The following CHD2 variants were observed in gnomAD, a reference collection of about 807,000 sequenced individuals.
CHD2 encodes ATP-dependent chromatin remodeler CHD2.
In CHD2, 28 loss-of-function variants were observed where a neutral mutation model predicts 243.9. That is an observed-to-expected ratio of 0.11 (90% CI 0.09 to 0.16). The LOEUF (loss-of-function observed/expected upper bound fraction) is 0.16. Among genes scored for constraint, CHD2 ranks in the 10% least tolerant of loss-of-function variants. The pLI is 1.00. For missense variants in CHD2, 1,386 were observed against 2,209.8 expected (o/e 0.63, Z 7.47); for synonymous variants, 775 against 779.0 (o/e 0.99, Z 0.09).
At chr15:92,986,303 CT>C (rs987714240) in intron 26 of CHD2, among the ~76,000 whole-genome samples, 12 of 148,450 alleles carry the variant, frequency 8.1e-5, no homozygotes, top group African/African-American at 9.9e-5. Flanking sequence ...CAGTTTCCAT[CT>C]TTTTTTTTTA....
intron 26 of CHD2, among the ~76,000 whole-genome samples, chr15:92,988,690 G>T (rs943801516): frequency 2.0e-5 from 3 of 151,624 alleles, no homozygotes; most frequent in Admixed American, 6.6e-5. Flanking sequence ...ATCTCAATTG[G>T]CCTATCTTCA....
At chr15:92,928,350 G>T (rs1323936545) in intron 4 of CHD2, among the ~76,000 whole-genome samples, 1 of 152,176 alleles carries the variant, frequency 6.6e-6, no homozygotes, top group Non-Finnish European at 1.5e-5. Context: ...CACATTCTCT[G>T]TAGGGTACAA....
At chr15:92,979,381 AT>A (rs1385428531) in intron 22 of CHD2, 98 bp downstream of exon 22, 1 of 1,392,918 alleles carries the variant, frequency 7.2e-7, no homozygotes, top group Non-Finnish European at 9.7e-7. Context: ...TAGTCTGTTC[AT>A]TACCTGGAAG....
chr15:92,996,396 G>A (rs373982734), intron 28 of CHD2, among the ~76,000 whole-genome samples: 4 of 151,984 alleles, frequency 2.6e-5, no homozygotes, highest in East Asian at 1.9e-4. Flanking sequence ...TCCTGACCTC[G>A]TGATCTGCCT....
chr15:92,960,552 A>G (rs2053671314), intron 16 of CHD2, among the ~76,000 whole-genome samples: 1 of 152,260 alleles, frequency 6.6e-6, no homozygotes, highest in Middle Eastern at 3.4e-3. Flanking sequence ...GTCCTTTAAC[A>G]ATATAGTATA....
intron 16 of CHD2, among the ~76,000 whole-genome samples, chr15:92,957,731 G>C (rs2053634355): frequency 6.7e-6 from 1 of 149,236 alleles, no homozygotes; most frequent in African/African-American, 2.5e-5. Flanking sequence ...AATTTGTTTA[G>C]TAACTTTATA....
rs1202704611 is a variant in CHD2, at chr15:93,002,444, G to A, written c.4278+127G>A. The A allele has an allele frequency of 2.8e-6, 4 of 1,420,568 alleles. No individual in the cohort carries two copies. The East Asian group carries it at 1.0e-4, about 37-fold the overall frequency. 88.0% of individuals were successfully genotyped at this position (1,420,568 alleles called of 1,614,324 possible). ...TTTTATGGGTATGTTCAAGAAGGAT[G>A]GGTGGGGCCGTTGATGGGATACCTG... On this transcript the variant is annotated intron_variant, in intron 33 of 38. Coordinates refer to ENST00000394196, the MANE Select transcript of CHD2 (RefSeq NM_001271.4).
intron 9 of CHD2, 50 bp downstream of exon 9, chr15:92,943,118 G>A (rs944269054): frequency 6.8e-7 from 1 of 1,460,248 alleles, no homozygotes; most frequent in Admixed American, 1.8e-5. Flanking sequence ...CCTGAAAGAA[G>A]GGAAGGTTTT....
At chr15:92,956,772 T>G in intron 16 of CHD2, 123 bp downstream of exon 16, 1 of 853,612 alleles carries the variant, frequency 1.2e-6, no homozygotes, top group Admixed American at 2.9e-5. Context: ...AAGCGTCAAA[T>G]GGAGGCAGGG....
intron 2 of CHD2, among the ~76,000 whole-genome samples, chr15:92,905,899 C>T (rs553328657): frequency 9.7e-4 from 147 of 152,306 alleles, no homozygotes; most frequent in African/African-American, 3.4e-3. Context: ...ATAATCTCAC[C>T]TCCCTTTTTG....
intron 18 of CHD2, 127 bp downstream of exon 18, chr15:92,972,054 G>T: frequency 3.6e-6 from 4 of 1,102,894 alleles, no homozygotes; most frequent in Non-Finnish European, 5.1e-6. Flanking sequence ...TTAAAAATGG[G>T]AGAGAAAAGG....
rs55738843 is a variant in CHD2, at chr15:92,999,083, CAAAAAAAAAAAAAAA to C, written c.4008+482_4008+496del. Among the ~76,000 whole-genome samples, 11 of 65,530 alleles carry C rather than the reference CAAAAAAAAAAAAAAA, an allele frequency of 1.7e-4. 1 individual carries two copies. The highest frequency in any genetic ancestry group is 9.1e-4 in the East Asian group (2 of 2,192). The allele number at this position is 65,530 out of a possible 152,430, so 43.0% of individuals were successfully genotyped here. On this transcript the variant is annotated intron_variant, in intron 31 of 38. Coordinates refer to ENST00000394196, the MANE Select transcript of CHD2 (RefSeq NM_001271.4). Reference sequence around the variant, plus strand: ...TGGGCAACAGAGCGAGACTCCGTCTCAAAAAAAAAAAAAAAAAAAAAAAAAAAAAAAAAATTCATT... The same window carrying C: ...TGGGCAACAGAGCGAGACTCCGTCTCAAAAAAAAAAAAAAAAAAATTCATT...
chr15:92,918,869 A>G (rs148603811), intron 2 of CHD2, among the ~76,000 whole-genome samples: 2 of 151,266 alleles, frequency 1.3e-5, no homozygotes, highest in African/African-American at 4.9e-5. Context: ...ATATATATAT[A>G]TTTTTTGAGA....
At chr15:92,952,234 T>C (rs1210114432) in intron 13 of CHD2, among the ~76,000 whole-genome samples, 1 of 152,194 alleles carries the variant, frequency 6.6e-6, no homozygotes, top group Non-Finnish European at 1.5e-5. Context: ...TGTAGAGTAG[T>C]GTTTCTCAAA....
In CHD2 at chr15:93,025,125, C is replaced by T; in HGVS notation, c.*420C>T. On this transcript the variant is annotated 3_prime_UTR_variant, in exon 39 of 39. Coordinates refer to ENST00000394196, the MANE Select transcript of CHD2 (RefSeq NM_001271.4). ...AACTGGTGCATGGAGGCTGCTGGGA[C>T]CTGGTGAACAGTGTGTGATTTGGTT... The T allele has an allele frequency of 5.6e-6, 1 of 178,744 alleles. No homozygotes were observed. Among genetic ancestry groups the T allele is most frequent in the South Asian group, 1.3e-4 (1 of 7,410 alleles). 11.1% of individuals were successfully genotyped at this position (178,744 alleles called of 1,614,324 possible).
chr15:93,006,104 C>G (rs1409481663), intron 34 of CHD2, among the ~76,000 whole-genome samples: 2 of 148,636 alleles, frequency 1.3e-5, no homozygotes, highest in African/African-American at 5.0e-5. Context: ...TCAACCTATG[C>G]TTTTTCTGTC....
At chr15:92,941,792 C>T in intron 7 of CHD2, 30 bp from the exon 8 acceptor site, 1 of 1,606,750 alleles carries the variant, frequency 6.2e-7, no homozygotes, top group East Asian at 2.2e-5. Context: ...GAGATCATTT[C>T]TCATTTATTC....
intron 12 of CHD2, among the ~76,000 whole-genome samples, chr15:92,948,126 C>G (rs1482176910): frequency 6.6e-6 from 1 of 152,184 alleles, no homozygotes; most frequent in Non-Finnish European, 1.5e-5. Context: ...CACTAGAATG[C>G]TATCCTTTAA....
intron 2 of CHD2, chr15:92,901,569 G>T: frequency 2.2e-6 from 1 of 457,114 alleles, no homozygotes. Context: ...TTACTGTAAT[G>T]TACAGTTTTT....
Sources: allele counts gnomAD v4.1 joint callset (sites outside exome capture counted in the v4.1 genomes callset), GRCh38; gene constraint gnomAD v4.1.1; transcripts MANE v1.5; gene names NCBI Gene and HGNC (gene_info 2026-07-23, HGNC 2026-07-21).